The following ZBTB47 variants were observed in gnomAD, a reference collection of about 807,000 sequenced individuals.
The protein encoded by ZBTB47 is zinc finger and BTB domain containing 47.
Under a neutral mutation model 56.6 loss-of-function variants are expected in ZBTB47, and 24 were observed. The observed-to-expected ratio is 0.42, with a 90% CI of 0.31 to 0.60. ZBTB47 has a LOEUF of 0.60. ZBTB47 is among the 20% of genes least tolerant of loss of function. ZBTB47 has a pLI of 0.14. For synonymous variants in ZBTB47, 414 were observed against 418.9 expected (o/e 0.99, Z 0.14); for missense variants, 829 against 1,032.6 (o/e 0.80, Z 2.70).
Position 42,661,605 on chromosome 3 carries a change from A to G in ZBTB47, c.1594A>G (p.Met532Val). Residue 532 changes from methionine to valine, a missense_variant, in exon 3 of 6, where the codon ATG becomes GTG. Around this residue, in one of 6 missense-constraint regions of ZBTB47, gnomAD observed 187 missense variants for 253.1 expected, o/e 0.74. Transcript: ENST00000232974. ...CEICEKKFYTMAHVRKHMVAH... is the reference protein window; with the variant it reads ...CEICEKKFYTVAHVRKHMVAH... The stretch of plus-strand genomic sequence containing the variant: ...GATCTGTGAGAAGAAGTTCTACACC[A>G]TGGCCCACGTGCGTAAGCACATGGT... 6.2e-7 allele frequency: 1 copy of G among 1,614,064 alleles called. No homozygotes were observed. Among genetic ancestry groups the G allele is most frequent in the South Asian group, 1.1e-5 (1 of 91,092 alleles).
rs922940458 is a variant in ZBTB47 at position 42,658,182 on chromosome 3, C to G, written c.-81-93C>G. The stretch of plus-strand genomic sequence containing the variant: ...GGAGCCACGAGTGATGGGCTGCCTC[C>G]TGGATGGCTGGCAATGCTGGGAGTG... On this transcript the variant is annotated intron_variant, in intron 1 of 5. Coordinates refer to ENST00000232974, the MANE Select transcript of ZBTB47 (RefSeq NM_145166.4). The G allele has an allele frequency of 3.1e-5, 42 of 1,347,330 alleles. 1 individual carries two copies. The South Asian group carries it at 5.7e-4, about 18-fold the overall frequency. The allele number at this position is 1,347,330 out of a possible 1,614,324, so 83.5% of individuals were successfully genotyped here. A position where few individuals can be genotyped will look rare whatever the true frequency, so the allele number is the denominator to read the frequency against.
In ZBTB47 at chr3:42,656,383, C is replaced by G. The variant is rs1478919288; in HGVS notation, c.-81-1892C>G. 6.6e-6 allele frequency among the ~76,000 whole-genome samples: 1 copy of G among 152,164 alleles called. No individual in the cohort carries two copies. Among genetic ancestry groups the G allele is most frequent in the East Asian group, 1.9e-4 (1 of 5,188 alleles). ...GTCCAGGGGCTCTGGACTGTGGAACCCTCTCATTCTGAGCCTCGGTTTCTC... is the reference window on the plus strand; with the variant it reads ...GTCCAGGGGCTCTGGACTGTGGAACGCTCTCATTCTGAGCCTCGGTTTCTC... On this transcript the variant is annotated intron_variant, in intron 1 of 5. Transcript: ENST00000232974. This position sits in a 1 kb window ranked among gnomAD's most constrained non-coding sequence, Gnocchi z 5.8.
chr3:42,659,499 C>A lies in ZBTB47; in HGVS notation c.1144C>A (p.Arg382=), dbSNP rs758224518. The change falls in exon 2 of 6, where the codon CGG becomes AGG. Residue 382 remains arginine (R), a synonymous_variant. Transcript: ENST00000232974. ...PPHSHMATRS[R]ENARRRGTPE... Reference sequence around the variant, plus strand: ...CCACAGTCACATGGCCACACGGTCCCGGGAGAACGCCCGGCGCCGGGGTAC... The same window carrying A: ...CCACAGTCACATGGCCACACGGTCCAGGGAGAACGCCCGGCGCCGGGGTAC... The A allele has an allele frequency of 2.6e-6, 4 of 1,536,044 alleles. No individual in the cohort carries two copies. The highest frequency in any genetic ancestry group is 2.3e-5 in the East Asian group (1 of 44,178).
chr3:42,659,987 G>C (rs547358774), intron 2 of ZBTB47, among the ~76,000 whole-genome samples, 159 bp downstream of exon 2: 18 of 152,354 alleles, frequency 1.2e-4, no homozygotes, highest in Admixed American at 3.3e-4. Flanking sequence ...CCAGTTCTCA[G>C]GGTGGTTAGA....
chr3:42,664,845 T>C lies in ZBTB47; in HGVS notation c.*247T>C. 2.9e-6 allele frequency: 1 copy of C among 340,834 alleles called. No homozygotes were observed. The highest frequency in any genetic ancestry group is 4.7e-5 in the East Asian group (1 of 21,410). The allele number at this position is 340,834 out of a possible 1,614,324, so 21.1% of individuals were successfully genotyped here. ...TCTGTGACTCCTTGAAGCCTTTACT[T>C]TTTTTTTTTTTTGGAAGTGAAGGAA... On this transcript the variant is annotated 3_prime_UTR_variant, in exon 6 of 6. Coordinates refer to ENST00000232974, the MANE Select transcript of ZBTB47 (RefSeq NM_145166.4).
chr3:42,663,166 A>G lies in ZBTB47; in HGVS notation c.1737+39A>G, dbSNP rs1261235378. The G allele has an allele frequency of 1.4e-6, 2 of 1,476,000 alleles. No individual in the cohort carries two copies. The highest frequency in any genetic ancestry group is 4.6e-5 in the East Asian group (2 of 43,916). 91.4% of individuals were successfully genotyped at this position (1,476,000 alleles called of 1,614,324 possible). Reference sequence around the variant, plus strand: ...TCCTGCCTGGCCTGCCCGAGGGGTCACCTGGGAGGGGCAGGAATCAGGGAG... The same window carrying G: ...TCCTGCCTGGCCTGCCCGAGGGGTCGCCTGGGAGGGGCAGGAATCAGGGAG... On this transcript the variant is annotated intron_variant, in intron 4 of 5. Transcript: ENST00000232974. The surrounding 1 kb of genome is among the most constrained non-coding windows in gnomAD (Gnocchi z 5.1).
In ZBTB47 at chr3:42,659,108, A is replaced by C; in HGVS notation, c.753A>C (p.Pro251=). 2 of 1,499,214 alleles carry C rather than the reference A, an allele frequency of 1.3e-6. No individual in the cohort carries two copies. The highest frequency in any genetic ancestry group is 1.8e-6 in the Non-Finnish European group (2 of 1,127,110). The allele number at this position is 1,499,214 out of a possible 1,614,324, so 92.9% of individuals were successfully genotyped here. Residue 251 remains proline, a synonymous_variant, in exon 2 of 6, where the codon CCA becomes CCC. Coordinates refer to ENST00000232974, the MANE Select transcript of ZBTB47 (RefSeq NM_145166.4). ...NNQTLHVSTG[P]EGKPGAGPSP... is the part of the protein sequence containing the mutation. ...AGACACTGCACGTGTCCACGGGGCC[A>C]GAGGGGAAGCCAGGTGCCGGGCCAA...
intron 3 of ZBTB47, among the ~76,000 whole-genome samples, 192 bp from the exon 4 acceptor site, chr3:42,662,820 G>C (rs1168367011): frequency 6.6e-6 from 1 of 152,230 alleles, no homozygotes; most frequent in Non-Finnish European, 1.5e-5. Context: ...GACCTTCAGA[G>C]CAGATAGGAG....
In ZBTB47 at chr3:42,658,706, A is replaced by C; in HGVS notation, c.351A>C (p.Pro117=). 6.5e-7 allele frequency: 1 copy of C among 1,535,596 alleles called. No individual in the cohort carries two copies. The highest frequency in any genetic ancestry group is 8.7e-7 in the Non-Finnish European group (1 of 1,146,544). The change falls in exon 2 of 6, where the codon CCA becomes CCC. Residue 117 remains proline (P), a synonymous_variant. Transcript: ENST00000232974. The part of the protein sequence containing the change: ...ELLDARSLGP[P]GPGTVALAQP... ...TGGACGCCCGCTCTCTAGGCCCACCAGGTCCGGGCACTGTGGCCCTGGCCC... is the reference window on the plus strand; with the variant it reads ...TGGACGCCCGCTCTCTAGGCCCACCCGGTCCGGGCACTGTGGCCCTGGCCC...
intron 3 of ZBTB47, among the ~76,000 whole-genome samples, chr3:42,662,798 A>G (rs1401416462): frequency 2.6e-5 from 4 of 152,228 alleles, no homozygotes; most frequent in Non-Finnish European, 5.9e-5. Flanking sequence ...GAGCCCCAGC[A>G]TGTCTGAGGC....
Position 42,654,607 on chromosome 3 carries a change from G to A in ZBTB47, c.-82+724G>A. 3 of 926,598 alleles carry A rather than the reference G, an allele frequency of 3.2e-6. No individual in the cohort carries two copies. Among genetic ancestry groups the A allele is most frequent in the Non-Finnish European group, 3.9e-6 (3 of 777,504 alleles). 57.4% of individuals were successfully genotyped at this position (926,598 alleles called of 1,614,324 possible). A position where few individuals can be genotyped will look rare whatever the true frequency, so the allele number is the denominator to read the frequency against. Reference sequence around the variant, plus strand: ...GCCCTGCGCGGGGGCGGCCCCCAGCGCGGCGCTTCATGGAGCGGCCCTGGC... The same window carrying A: ...GCCCTGCGCGGGGGCGGCCCCCAGCACGGCGCTTCATGGAGCGGCCCTGGC... On this transcript the variant is annotated intron_variant, in intron 1 of 5. Coordinates refer to ENST00000232974, the MANE Select transcript of ZBTB47 (RefSeq NM_145166.4). This position sits in a 1 kb window ranked among gnomAD's most constrained non-coding sequence, Gnocchi z 5.0.
intron 1 of ZBTB47, among the ~76,000 whole-genome samples, chr3:42,657,013 C>A (rs1710647283): frequency 6.6e-6 from 1 of 152,174 alleles, no homozygotes; most frequent in Non-Finnish European, 1.5e-5. Flanking sequence ...CTGAGGAGAG[C>A]CAGAACTTGG....
chr3:42,657,748 G>T (rs1710655634), intron 1 of ZBTB47, among the ~76,000 whole-genome samples: 1 of 152,198 alleles, frequency 6.6e-6, no homozygotes, highest in Non-Finnish European at 1.5e-5. Flanking sequence ...AGGTGTTTGG[G>T]GCTGGGCAAG....
At chr3:42,664,134 C>A in intron 5 of ZBTB47, 103 bp from the exon 6 acceptor site, 1 of 1,508,964 alleles carries the variant, frequency 6.6e-7, no homozygotes, top group South Asian at 1.3e-5. Flanking sequence ...CTGAGAGCGC[C>A]GGGGCTGGGC....
At chr3:42,664,146 C>A (rs1710754508) in intron 5 of ZBTB47, 91 bp from the exon 6 acceptor site, 1 of 1,541,666 alleles carries the variant, frequency 6.5e-7, no homozygotes, top group Non-Finnish European at 8.7e-7. Flanking sequence ...GGGCTGGGCC[C>A]CACTATGGCT....
rs994517940 is a variant in ZBTB47 at position 42,656,714 on chromosome 3, AG to A, written c.-81-1558del. Among the ~76,000 whole-genome samples, 5 of 152,054 alleles carry A rather than the reference AG, an allele frequency of 3.3e-5. No individual in the cohort carries two copies. The highest frequency in any genetic ancestry group is 4.4e-5 in the Non-Finnish European group (3 of 67,984). ...GGAGACAGGTGGCCCCTGGTGGCTC[AG>A]GGAGGCTCCTGCTGAGGCCCACGGT... On this transcript the variant is annotated intron_variant, in intron 1 of 5. Coordinates refer to ENST00000232974, the MANE Select transcript of ZBTB47 (RefSeq NM_145166.4). This position sits in a 1 kb window ranked among gnomAD's most constrained non-coding sequence, Gnocchi z 5.8.
At position 42,658,966 on chromosome 3, in the gene ZBTB47, C is replaced by T; in HGVS notation, c.611C>T (p.Pro204Leu). The change falls in exon 2 of 6, where the codon CCA (proline) becomes CTA (leucine). Residue 204 changes from proline (P) to leucine (L), a missense_variant. Around this residue, in one of 6 missense-constraint regions of ZBTB47, gnomAD observed 359 missense variants for 359.8 expected, o/e 1.00. Coordinates refer to ENST00000232974, the MANE Select transcript of ZBTB47 (RefSeq NM_145166.4). ...EGGVEEAGGP[P>L]ASLCKLEGGE... ...GGTGTCGAGGAGGCCGGTGGGCCCC[C>T]AGCCAGCTTGTGCAAGCTGGAGGGT... 6.6e-7 allele frequency: 1 copy of T among 1,510,248 alleles called. No individual in the cohort carries two copies. Among genetic ancestry groups the T allele is most frequent in the Non-Finnish European group, 8.8e-7 (1 of 1,134,540 alleles). 93.6% of individuals were successfully genotyped at this position (1,510,248 alleles called of 1,614,324 possible).
rs1710760165 is a variant in ZBTB47 at position 42,664,516 on chromosome 3, C to T, written c.2162C>T (p.Pro721Leu). 2 of 1,410,650 alleles carry T rather than the reference C, an allele frequency of 1.4e-6. No homozygotes were observed. The highest frequency in any genetic ancestry group is 3.0e-5 in the South Asian group (2 of 67,348). 87.4% of individuals were successfully genotyped at this position (1,410,650 alleles called of 1,614,324 possible). A position where few individuals can be genotyped will look rare whatever the true frequency, so the allele number is the denominator to read the frequency against. ...PLLPGLPQTL[P>L]PPPHLPPPPP... ...CTCCCGGGGCTGCCCCAGACCCTGC[C>T]GCCCCCGCCCCACCTGCCGCCCCCG... The change falls in exon 6 of 6, where the codon CCG (proline) becomes CTG (leucine). Residue 721 changes from proline to leucine, a missense_variant. By Grantham distance (98) the Pro-to-Leu change is moderately conservative. Around this residue, in one of 6 missense-constraint regions of ZBTB47, gnomAD observed 115 missense variants for 117.2 expected, o/e 0.98. Coordinates refer to ENST00000232974, the MANE Select transcript of ZBTB47 (RefSeq NM_145166.4).
In ZBTB47 at chr3:42,664,481, A is replaced by ACTGCCCCTGCTCCCGGGG; in HGVS notation, c.2135_2152dup (p.Leu712_Pro717dup). 2 of 1,503,134 alleles carry ACTGCCCCTGCTCCCGGGG rather than the reference A, an allele frequency of 1.3e-6. No homozygotes were observed. Among genetic ancestry groups the ACTGCCCCTGCTCCCGGGG allele is most frequent in the Non-Finnish European group, 1.8e-6 (2 of 1,131,154 alleles). The allele number at this position is 1,503,134 out of a possible 1,614,324, so 93.1% of individuals were successfully genotyped here. The stretch of plus-strand genomic sequence containing the variant: ...CCCCAACCCAGCCCCAGGCGCACGC[A>ACTGCCCCTGCTCCCGGGG]CTGCCCCTGCTCCCGGGGCTGCCCC... On this transcript the variant is annotated inframe_insertion, in exon 6 of 6. Coordinates refer to ENST00000232974, the MANE Select transcript of ZBTB47 (RefSeq NM_145166.4).
Sources: gnomAD v4.1 joint callset for allele counts (sites outside exome capture counted in the v4.1 genomes callset) on GRCh38, gnomAD v4.1.1 for gene constraint, gnomAD v4.1.1 regional missense constraint, Gnocchi (gnomAD v3.1) non-coding constraint, MANE v1.5 for transcripts, NCBI Gene and HGNC (gene_info 2026-07-23, HGNC 2026-07-21) for gene names.